CREM: variants seen among roughly 807,000 people sequenced by gnomAD.
The protein encoded by CREM is cAMP-responsive element modulator.
Under a neutral mutation model 37.3 loss-of-function variants are expected in CREM, and 13 were observed. That is an observed-to-expected ratio of 0.35 (90% confidence interval 0.23 to 0.55). The LOEUF (loss-of-function observed/expected upper bound fraction) is 0.55, where lower values mean the gene tolerates loss of function less well. CREM is among the 20% of genes least tolerant of loss of function. The pLI is 0.88. For missense variants in CREM, 296 were observed against 362.3 expected, an observed-to-expected ratio of 0.82 and a Z score of 1.49; for synonymous variants, 124 against 120.2, an observed-to-expected ratio of 1.03 and a Z score of -0.21.
In CREM at chr10:35,212,571, G is replaced by C. The variant is rs1239151918; in HGVS notation, c.*1173G>C. On this transcript the variant is annotated 3_prime_UTR_variant, in exon 8 of 8. Coordinates refer to ENST00000685392, the MANE Select transcript of CREM (RefSeq NM_183011.2). Reference sequence around the variant, plus strand: ...TTGCATACCTTCGGGGTACAAGTCAGTTTCTACACTGGGTGCTGATCCTTG... The same window carrying C: ...TTGCATACCTTCGGGGTACAAGTCACTTTCTACACTGGGTGCTGATCCTTG... 1 of 152,760 alleles carries C rather than the reference G, an allele frequency of 6.5e-6. No homozygotes were observed. The highest frequency in any genetic ancestry group is 1.5e-5 in the Non-Finnish European group (1 of 68,036). The allele number at this position is 152,760 out of a possible 1,614,324, so 9.5% of individuals were successfully genotyped here.
chr10:35,175,990 C>T, intron 3 of CREM: 3 of 1,550,964 alleles, frequency 1.9e-6, no homozygotes, highest in Non-Finnish European at 2.6e-6. Flanking sequence ...CAGAAATACA[C>T]ACCGTTCAGG....
chr10:35,179,186 G>A lies in CREM; in HGVS notation c.319G>A (p.Glu107Lys). 2 of 1,614,046 alleles carry A rather than the reference G, an allele frequency of 1.2e-6. No individual in the cohort carries two copies. The highest frequency in any genetic ancestry group is 1.3e-5 in the African/African-American group (1 of 75,050). Residue 107 changes from glutamate (E) to lysine (K), a missense_variant, in exon 5 of 8, where the codon GAA becomes AAA. Coordinates refer to ENST00000685392, the MANE Select transcript of CREM (RefSeq NM_183011.2). ...SDVPGVPKIE[E>K]ERSEEEGTPP... ...TGTGCCTGGTGTTCCCAAGATTGAA[G>A]AAGAGAGATCAGAGGAAGAAGGAAC...
intron 5 of CREM, among the ~76,000 whole-genome samples, chr10:35,186,990 A>G (rs1221481950): frequency 2.2e-5 from 2 of 89,708 alleles, no homozygotes; most frequent in Non-Finnish European, 3.9e-5. Context: ...TGTGATATAT[A>G]TTATATATTA....
intron 3 of CREM, chr10:35,154,303 A>G: frequency 2.6e-6 from 1 of 380,536 alleles, no homozygotes; most frequent in Non-Finnish European, 4.6e-6. Context: ...ACAAACAAAA[A>G]ATGAGCAAAC....
At chr10:35,127,354 G>C (rs1219539729) in intron 1 of CREM, 161 bp downstream of exon 1, 1 of 152,042 alleles carries the variant, frequency 6.6e-6, no homozygotes, top group Admixed American at 6.6e-5. Flanking sequence ...CCGGGCCAAG[G>C]ACTGGCGGGG....
At chr10:35,203,770 A>G (rs908685905) in intron 6 of CREM, among the ~76,000 whole-genome samples, 13 of 151,970 alleles carry the variant, frequency 8.6e-5, no homozygotes, top group Non-Finnish European at 1.6e-4. Flanking sequence ...ATATCATGGA[A>G]CCATCCTGCT....
At chr10:35,132,483 A>T (rs1373559202) in intron 1 of CREM, among the ~76,000 whole-genome samples, 1 of 152,218 alleles carries the variant, frequency 6.6e-6, no homozygotes, top group Non-Finnish European at 1.5e-5. Context: ...TCAGGCAATT[A>T]AATTGGAGTA....
chr10:35,139,127 A>AT (rs112599991), intron 2 of CREM, among the ~76,000 whole-genome samples: 4,642 of 146,016 alleles, frequency 0.032, 218 homozygotes, highest in African/African-American at 0.1. Context: ...CATTTTAGCA[A>AT]TTTTTTTTTT....
intron 3 of CREM, among the ~76,000 whole-genome samples, chr10:35,150,399 A>T (rs1161883150): frequency 6.6e-6 from 1 of 152,062 alleles, no homozygotes; most frequent in Non-Finnish European, 1.5e-5. Context: ...AGTTCTACAG[A>T]TGCCTTTTGC....
intron 7 of CREM, among the ~76,000 whole-genome samples, chr10:35,208,113 A>G (rs774535389): frequency 2.0e-5 from 3 of 152,178 alleles, no homozygotes; most frequent in Non-Finnish European, 4.4e-5. Context: ...CATTTTCTAC[A>G]TGTAGTTTCC....
chr10:35,204,816 C>G (rs1314324852), intron 6 of CREM, among the ~76,000 whole-genome samples: 1 of 152,092 alleles, frequency 6.6e-6, no homozygotes, highest in Non-Finnish European at 1.5e-5. Flanking sequence ...CAAATAGAAG[C>G]ACATAAATCA....
At chr10:35,151,220 A>G (rs1233399473) in intron 3 of CREM, among the ~76,000 whole-genome samples, 3 of 152,248 alleles carry the variant, frequency 2.0e-5, no homozygotes, top group Non-Finnish European at 4.4e-5. Flanking sequence ...TACGTTTGTA[A>G]TGCTTCTTTA....
At chr10:35,127,629 A>G (rs1589099813) in intron 1 of CREM, 2 of 152,294 alleles carry the variant, frequency 1.3e-5, no homozygotes, top group East Asian at 3.8e-4. Context: ...CGCAGTTTAG[A>G]CGAAAGCGGA....
At chr10:35,155,173 AT>A (rs1187163043) in intron 3 of CREM, among the ~76,000 whole-genome samples, 2 of 152,128 alleles carry the variant, frequency 1.3e-5, no homozygotes, top group Non-Finnish European at 2.9e-5. Context: ...ACTGTTAAAG[AT>A]TTTTTTGTAA....
intron 3 of CREM, among the ~76,000 whole-genome samples, chr10:35,170,858 A>G (rs993170260): frequency 3.3e-5 from 5 of 152,142 alleles, no homozygotes; most frequent in African/African-American, 4.8e-5. Flanking sequence ...GCTCTTGCTT[A>G]TAAGTTTTGG....
At chr10:35,169,502 G>A (rs1212134667) in intron 3 of CREM, among the ~76,000 whole-genome samples, 3 of 152,268 alleles carry the variant, frequency 2.0e-5, no homozygotes, top group Admixed American at 1.3e-4. Flanking sequence ...GAGCTGAGAC[G>A]ATGGGGTTTT....
intron 3 of CREM, among the ~76,000 whole-genome samples, chr10:35,166,551 C>T (rs543386797): frequency 2.1e-4 from 29 of 139,456 alleles, no homozygotes; most frequent in Non-Finnish European, 3.9e-4. Context: ...GGCGACAGAA[C>T]AAGAGTCTGT....
intron 6 of CREM, among the ~76,000 whole-genome samples, chr10:35,200,395 G>A (rs1292103557): frequency 6.6e-6 from 1 of 152,188 alleles, no homozygotes; most frequent in African/African-American, 2.4e-5. Flanking sequence ...GTATGCATAT[G>A]TGAAAGCATC....
intron 3 of CREM, among the ~76,000 whole-genome samples, chr10:35,151,540 T>C (rs1008863283): frequency 6.6e-6 from 1 of 152,170 alleles, no homozygotes; most frequent in East Asian, 1.9e-4. Flanking sequence ...CACGCCCAAC[T>C]GATTTTTGTG....
Sources: gnomAD v4.1 joint callset for allele counts (sites outside exome capture counted in the v4.1 genomes callset) on GRCh38, gnomAD v4.1.1 for gene constraint, MANE v1.5 for transcripts, NCBI Gene and HGNC (gene_info 2026-07-23, HGNC 2026-07-21) for gene names.